Variants in COL20A1 observed in about 807,000 individuals in gnomAD.
COL20A1 encodes collagen alpha-1(XX) chain.
A neutral mutation model predicts 152.9 loss-of-function variants in COL20A1; 164 were observed. The ratio of observed to expected loss-of-function variants is 1.07; its 90% CI spans 0.94 to 1.22. The LOEUF is 1.22. Ranked by LOEUF, COL20A1 falls within the 50% of genes most tolerant of loss-of-function variation. COL20A1 has a pLI of 0.00. For missense variants in COL20A1, 1,873 were observed against 1,744.8 expected, an observed-to-expected ratio of 1.07 and a Z score of -1.31; for synonymous variants, 864 against 756.0, an observed-to-expected ratio of 1.14 and a Z score of -2.34.
chr20:63,322,591 G>A (rs1411367467), intron 27 of COL20A1, among the ~76,000 whole-genome samples: 4 of 152,228 alleles, frequency 2.6e-5, no homozygotes, highest in East Asian at 3.8e-4. Context: ...TTCGGGGGCG[G>A]AGGTTCTGGT....
chr20:63,306,987 G>T lies in COL20A1; in HGVS notation c.497-503G>T, dbSNP rs1399026704. Among the ~76,000 whole-genome samples, 8 of 152,212 alleles carry T rather than the reference G, an allele frequency of 5.3e-5. No homozygotes were observed. The highest frequency in any genetic ancestry group is 1.2e-4 in the Non-Finnish European group (8 of 68,028). On this transcript the variant is annotated intron_variant, in intron 5 of 35. Coordinates refer to ENST00000358894, the MANE Select transcript of COL20A1 (RefSeq NM_020882.4). This position sits in a 1 kb window ranked among gnomAD's most constrained non-coding sequence, Gnocchi z 6.9. Reference sequence around the variant, plus strand: ...GGCCTCTTCGGTCGCCCCACGGGGGGCTCCACCGTGATGGCTGCTGGCCTC... The same window carrying T: ...GGCCTCTTCGGTCGCCCCACGGGGGTCTCCACCGTGATGGCTGCTGGCCTC...
At chr20:63,329,546 G>A in intron 34 of COL20A1, 39 bp from the exon 35 acceptor site, 4 of 1,549,616 alleles carry the variant, frequency 2.6e-6, no homozygotes, top group Non-Finnish European at 3.5e-6. Flanking sequence ...CCAAGCCACT[G>A]CATTGCTCCG....
chr20:63,318,522 A>C (rs55690903), intron 21 of COL20A1, among the ~76,000 whole-genome samples: 1 of 151,962 alleles, frequency 6.6e-6, no homozygotes, highest in African/African-American at 2.4e-5. Context: ...GCCAGGACCC[A>C]CTGGGCGGTG....
At position 63,306,667 on chromosome 20, in the gene COL20A1, C is replaced by G. The variant is rs1327565912; in HGVS notation, c.496+628C>G. Among the ~76,000 whole-genome samples the G allele has an allele frequency of 6.6e-5, 10 of 152,308 alleles. No homozygotes were observed. In the East Asian group the frequency reaches 1.9e-3, roughly 29 times the overall value. On this transcript the variant is annotated intron_variant, in intron 5 of 35. Coordinates refer to ENST00000358894, the MANE Select transcript of COL20A1 (RefSeq NM_020882.4). This position sits in a 1 kb window ranked among gnomAD's most constrained non-coding sequence, Gnocchi z 6.9. ...GGTAAGGGGTGGGCACAGACGGGGG[C>G]AGTGCACTGTGTCTGCCCATAAGGC... is the stretch of plus-strand genomic sequence containing the variant.
At chr20:63,308,850 C>A in intron 8 of COL20A1, 144 bp downstream of exon 8, 1 of 769,542 alleles carries the variant, frequency 1.3e-6, no homozygotes, top group Non-Finnish European at 2.0e-6. Context: ...AGCCAGGCAC[C>A]GCCTGGCACT....
intron 20 of COL20A1, among the ~76,000 whole-genome samples, chr20:63,315,893 C>T (rs1044940282): frequency 2.6e-5 from 4 of 152,242 alleles, no homozygotes; most frequent in African/African-American, 2.4e-5. Flanking sequence ...GCCTCCTGCC[C>T]GGTGCCTGCT....
In COL20A1 at chr20:63,328,066, C is replaced by G; in HGVS notation, c.3565-13C>G. The G allele has an allele frequency of 6.2e-7, 1 of 1,613,464 alleles. No individual in the cohort carries two copies. Among genetic ancestry groups the G allele is most frequent in the South Asian group, 1.1e-5 (1 of 90,992 alleles). ...CCACACGGGTCCCAAAGCTGCACCA[C>G]CTTCCCTTCCAGGGCGAGCCGCAGT... On this transcript the variant is annotated splice_polypyrimidine_tract_variant and intron_variant, in intron 32 of 35. Transcript: ENST00000358894.
intron 21 of COL20A1, among the ~76,000 whole-genome samples, chr20:63,318,647 C>T (rs924206467): frequency 3.3e-5 from 5 of 152,120 alleles, no homozygotes; most frequent in African/African-American, 4.8e-5. Context: ...TCACGGGCCC[C>T]GGGAGCACGG....
rs976644405 is a variant in COL20A1, at chr20:63,320,916, C to G, written c.3154-97C>G. 7.5e-6 allele frequency: 7 copies of G among 939,262 alleles called. No individual in the cohort carries two copies. The African/African-American group carries it at 1.2e-4, about 16-fold the overall frequency. 58.2% of individuals were successfully genotyped at this position (939,262 alleles called of 1,614,324 possible). A position where few individuals can be genotyped will look rare whatever the true frequency, so the allele number is the denominator to read the frequency against. ...CTCCCAGGTGCGGGTCTGGAAGTCT[C>G]CCTGGAGCCCAGGTGTCATTGGCTA... On this transcript the variant is annotated intron_variant, in intron 25 of 35. Transcript: ENST00000358894.
At chr20:63,330,524 C>T in intron 35 of COL20A1, among the ~76,000 whole-genome samples, 196 bp from the exon 36 acceptor site, 1 of 152,186 alleles carries the variant, frequency 6.6e-6, no homozygotes, top group East Asian at 1.9e-4. Flanking sequence ...AGAATGACCC[C>T]ACCCACGGCC....
intron 27 of COL20A1, among the ~76,000 whole-genome samples, chr20:63,322,589 C>T (rs2068180674): frequency 1.3e-5 from 2 of 152,194 alleles, no homozygotes; most frequent in African/African-American, 2.4e-5. Context: ...GTTTCGGGGG[C>T]GGAGGTTCTG....
intron 27 of COL20A1, among the ~76,000 whole-genome samples, chr20:63,322,584 G>A (rs963984306): frequency 1.3e-5 from 2 of 152,348 alleles, no homozygotes; most frequent in East Asian, 1.9e-4. Context: ...GAGGTGTTTC[G>A]GGGGCGGAGG....
rs201366483 is a variant in COL20A1, at chr20:63,305,512, G to T, written c.289G>T (p.Glu97Ter). ...PSKGYTLQIF[E>*]LTGSGRFLLA... ...CAAGGGCTACACCTTGCAGATCTTC[G>T]AGCTCACTGGCTCTGGGCGCTTCCT... Residue 97 changes from glutamate to a stop codon, truncating the protein, a stop_gained, in exon 4 of 36, where the codon GAG becomes TAG. Transcript: ENST00000358894. LOFTEE classifies it high-confidence loss of function. This position sits in a 1 kb window ranked among gnomAD's most constrained non-coding sequence, Gnocchi z 4.9. 1 of 1,607,184 alleles carries T rather than the reference G, an allele frequency of 6.2e-7. No homozygotes were observed. The highest frequency in any genetic ancestry group is 8.5e-7 in the Non-Finnish European group (1 of 1,177,456).
At chr20:63,298,238 C>T (rs570751845) in intron 3 of COL20A1, among the ~76,000 whole-genome samples, 1 of 152,326 alleles carries the variant, frequency 6.6e-6, no homozygotes, top group Non-Finnish European at 1.5e-5. Flanking sequence ...TGGCACGCAG[C>T]CCCTGCAGAA....
rs2067921581 is a variant in COL20A1 at position 63,306,033 on chromosome 20, A to C, written c.490A>C (p.Thr164Pro). ...VAFTPSQDPR[T>P]PAGPQFRCLP... is the part of the protein sequence containing the mutation. ...CTTCACACCAAGCCAGGATCCGCGCACTCCTGGTGGGTCAGAGTGGAGAGA... is the reference window on the plus strand; with the variant it reads ...CTTCACACCAAGCCAGGATCCGCGCCCTCCTGGTGGGTCAGAGTGGAGAGA... Residue 164 changes from threonine to proline, a missense_variant, in exon 5 of 36, where the codon ACT becomes CCT. Coordinates refer to ENST00000358894, the MANE Select transcript of COL20A1 (RefSeq NM_020882.4). The surrounding 1 kb of genome is among the most constrained non-coding windows in gnomAD (Gnocchi z 6.9). 5 of 1,606,598 alleles carry C rather than the reference A, an allele frequency of 3.1e-6. No homozygotes were observed. In the East Asian group the frequency reaches 8.9e-5, roughly 29 times the overall value.
chr20:63,321,416 C>A (rs1429343923), intron 26 of COL20A1, among the ~76,000 whole-genome samples: 1 of 152,154 alleles, frequency 6.6e-6, no homozygotes, highest in Non-Finnish European at 1.5e-5. Flanking sequence ...GGCTGGGCCT[C>A]CCCCACGAAC....
Position 63,328,335 on chromosome 20 carries a change from C to G in COL20A1, c.3618C>G (p.His1206Gln). ...TLYQLVSQAS[H>Q]VSKFDSFHEN... The stretch of plus-strand genomic sequence containing the variant: ...TGACACCCCTCCTCCCCACAGCACA[C>G]GTGTCAAAGTTCGACTCCTTCCACG... The change falls in exon 34 of 36, where the codon CAC becomes CAG. Residue 1206 changes from histidine to glutamine, a missense_variant. Coordinates refer to ENST00000358894, the MANE Select transcript of COL20A1 (RefSeq NM_020882.4). 1 of 1,611,054 alleles carries G rather than the reference C, an allele frequency of 6.2e-7. No individual in the cohort carries two copies. Among genetic ancestry groups the G allele is most frequent in the Non-Finnish European group, 8.5e-7 (1 of 1,178,698 alleles).
intron 27 of COL20A1, among the ~76,000 whole-genome samples, chr20:63,324,066 C>T (rs370920784): frequency 2.0e-5 from 3 of 152,334 alleles, no homozygotes; most frequent in African/African-American, 4.8e-5. Flanking sequence ...CAGACCCACT[C>T]GGTTCTCCTT....
At chr20:63,298,232 A>C (rs1482619959) in intron 3 of COL20A1, among the ~76,000 whole-genome samples, 1 of 152,212 alleles carries the variant, frequency 6.6e-6, no homozygotes. Context: ...TGTCCCTGGC[A>C]CGCAGCCCCT....
Sources: allele counts gnomAD v4.1 joint callset (sites outside exome capture counted in the v4.1 genomes callset), GRCh38; gene constraint gnomAD v4.1.1; non-coding constraint Gnocchi (gnomAD v3.1); transcripts MANE v1.5; gene names NCBI Gene and HGNC (gene_info 2026-07-23, HGNC 2026-07-21).